Variants in KCNIP4 observed in about 807,000 individuals in gnomAD.
The protein encoded by KCNIP4 is potassium voltage-gated channel interacting protein 4.
KCNIP4 carries 12 observed loss-of-function variants against 34.0 expected under a neutral mutation model. The observed-to-expected ratio is 0.35, with a 90% CI of 0.23 to 0.57. The LOEUF is 0.57. Ranked by LOEUF, KCNIP4 falls within the 20% of genes least tolerant of loss-of-function variation. The pLI is 0.83. For synonymous variants in KCNIP4, 124 were observed against 102.2 expected (o/e 1.21, Z -1.29); for missense variants, 238 against 311.7 (o/e 0.76, Z 1.78).
At chr4:20,851,250 A>T (rs1453498703) in intron 2 of KCNIP4, among the ~76,000 whole-genome samples, 14 of 152,076 alleles carry the variant, frequency 9.2e-5, no homozygotes, top group Non-Finnish European at 1.5e-5. Flanking sequence ...GTTCTCATCA[A>T]TCAGCTCCCA....
At chr4:21,068,221 T>C (rs1744580003) in intron 1 of KCNIP4, among the ~76,000 whole-genome samples, 1 of 152,168 alleles carries the variant, frequency 6.6e-6, no homozygotes, top group Non-Finnish European at 1.5e-5. Flanking sequence ...GTACCACTCA[T>C]GTCCACATCA....
chr4:21,836,922 T>TTTTA (rs1723360189), intron 1 of KCNIP4, among the ~76,000 whole-genome samples: 1 of 145,158 alleles, frequency 6.9e-6, no homozygotes. Context: ...AAATTTTTTT[T>TTTTA]TTTTTTTTTT....
At chr4:21,599,786 G>A (rs1376145584) in intron 1 of KCNIP4, among the ~76,000 whole-genome samples, 2 of 152,032 alleles carry the variant, frequency 1.3e-5, no homozygotes, top group Admixed American at 6.6e-5. Flanking sequence ...CCTACCAAAG[G>A]TGAAATGCTC....
intron 1 of KCNIP4, among the ~76,000 whole-genome samples, chr4:21,570,993 T>C (rs1270599915): frequency 6.6e-6 from 1 of 152,178 alleles, no homozygotes; most frequent in African/African-American, 2.4e-5. Context: ...GATTTCTTTC[T>C]CTTAAGCATT....
At chr4:20,877,326 T>C (rs1359972986) in intron 2 of KCNIP4, among the ~76,000 whole-genome samples, 1 of 152,232 alleles carries the variant, frequency 6.6e-6, no homozygotes, top group Non-Finnish European at 1.5e-5. Flanking sequence ...CATAGCCTTA[T>C]TGGCTCAATA....
At chr4:21,925,032 T>C (rs1336477855) in intron 1 of KCNIP4, among the ~76,000 whole-genome samples, 1 of 152,188 alleles carries the variant, frequency 6.6e-6, no homozygotes, top group African/African-American at 2.4e-5. Context: ...ACTCCAGTCA[T>C]ACTTGATTTC....
chr4:21,308,904 C>T (rs1408569652), intron 1 of KCNIP4, among the ~76,000 whole-genome samples: 3 of 152,176 alleles, frequency 2.0e-5, no homozygotes, highest in Non-Finnish European at 2.9e-5. Context: ...TTTGGGGAGT[C>T]CTTCAGCTCA....
chr4:21,936,176 C>G (rs1001480421), intron 1 of KCNIP4, among the ~76,000 whole-genome samples: 2 of 151,974 alleles, frequency 1.3e-5, no homozygotes, highest in Non-Finnish European at 2.9e-5. Context: ...CCCACCCAAA[C>G]CTCATCTTGA....
At chr4:21,733,058 AAAGT>A (rs1406954958) in intron 1 of KCNIP4, among the ~76,000 whole-genome samples, 1 of 152,182 alleles carries the variant, frequency 6.6e-6, no homozygotes, top group African/African-American at 2.4e-5. Context: ...CCCAAGTAGA[AAAGT>A]ACGAATCTCA....
intron 2 of KCNIP4, among the ~76,000 whole-genome samples, chr4:20,881,062 TTTTGG>T (rs1365624170): frequency 1.3e-5 from 2 of 152,208 alleles, no homozygotes; most frequent in Admixed American, 6.5e-5. Context: ...TTTTGTTTTG[TTTTGG>T]TTTGGTTTTT....
At chr4:21,890,143 T>C (rs930560701) in intron 1 of KCNIP4, among the ~76,000 whole-genome samples, 1 of 152,130 alleles carries the variant, frequency 6.6e-6, no homozygotes. Context: ...TAATGCACCG[T>C]ATGTTATAAT....
chr4:21,629,827 A>G (rs1377049509), intron 1 of KCNIP4, among the ~76,000 whole-genome samples: 8 of 139,970 alleles, frequency 5.7e-5, no homozygotes, highest in Non-Finnish European at 9.2e-5. Context: ...TCAGAAAACC[A>G]TATTTCCTTT....
intron 1 of KCNIP4, among the ~76,000 whole-genome samples, chr4:20,956,430 G>A (rs574215356): frequency 1.3e-4 from 20 of 152,108 alleles, no homozygotes; most frequent in East Asian, 5.8e-4. Context: ...GCATAAACCC[G>A]GGAGGTGGAG....
At chr4:21,394,504 T>C (rs1407119284) in intron 1 of KCNIP4, among the ~76,000 whole-genome samples, 1 of 152,172 alleles carries the variant, frequency 6.6e-6, no homozygotes, top group East Asian at 1.9e-4. Context: ...CTGGGATTAC[T>C]CATATGGAAC....
At chr4:21,930,016 C>T (rs1729474832) in intron 1 of KCNIP4, among the ~76,000 whole-genome samples, 1 of 152,040 alleles carries the variant, frequency 6.6e-6, no homozygotes, top group South Asian at 2.1e-4. Context: ...CCTAAGTGAC[C>T]TCTTCTGTTC....
chr4:21,452,335 C>A lies in KCNIP4; in HGVS notation c.61+496236G>T, dbSNP rs1220840416. Among the ~76,000 whole-genome samples the A allele has an allele frequency of 3.3e-5, 5 of 152,044 alleles. 1 individual carries two copies. The highest frequency in any genetic ancestry group is 1.2e-4 in the African/African-American group (5 of 41,386). ...GGTGGGAGAAGGAAGTTAGAAGCTG[C>A]CAAGAGAAAAGAATCTTGGAGAGTA... is the stretch of plus-strand genomic sequence containing the variant. On this transcript the variant is annotated intron_variant, in intron 1 of 8. Transcript: ENST00000382152.
intron 1 of KCNIP4, among the ~76,000 whole-genome samples, chr4:21,620,433 C>T (rs910631705): frequency 2.0e-5 from 3 of 151,992 alleles, no homozygotes; most frequent in African/African-American, 7.2e-5. Flanking sequence ...GACTGGGAGG[C>T]AGAGGTTGCA....
intron 1 of KCNIP4, among the ~76,000 whole-genome samples, chr4:20,894,301 C>T (rs1007500835): frequency 6.6e-6 from 1 of 152,154 alleles, no homozygotes; most frequent in Admixed American, 6.6e-5. Context: ...CGAGAGAACA[C>T]AAATAAATTG....
intron 1 of KCNIP4, among the ~76,000 whole-genome samples, chr4:20,917,860 C>T (rs554706293): frequency 3.3e-5 from 5 of 152,232 alleles, no homozygotes; most frequent in Admixed American, 6.5e-5. Flanking sequence ...AACCCAATAA[C>T]GACAGGTATG....
Sources: allele counts gnomAD v4.1 joint callset (sites outside exome capture counted in the v4.1 genomes callset), GRCh38; gene constraint gnomAD v4.1.1; transcripts MANE v1.5; gene names NCBI Gene and HGNC (gene_info 2026-07-23, HGNC 2026-07-21).